Variants in PLPPR1 observed in about 807,000 individuals in gnomAD.
PLPPR1 encodes phospholipid phosphatase related 1.
Under a neutral mutation model 33.1 loss-of-function variants are expected in PLPPR1, and 10 were observed. The observed-to-expected ratio is 0.30, with a 90% confidence interval of 0.19 to 0.51. The LOEUF is 0.51. PLPPR1 is among the 20% of genes least tolerant of loss of function. PLPPR1 has a pLI of 0.97. For synonymous variants in PLPPR1, 151 were observed against 151.0 expected (o/e 1.00, Z 0.00); for missense variants, 304 against 408.1 (o/e 0.74, Z 2.20).
chr9:101,275,465 G>A (rs1022663694), intron 3 of PLPPR1, among the ~76,000 whole-genome samples: 2 of 152,348 alleles, frequency 1.3e-5, no homozygotes. Context: ...CAAGGCCACT[G>A]CTGTCCCAGA....
At chr9:101,253,841 GTATTTAT>G in intron 2 of PLPPR1, among the ~76,000 whole-genome samples, 1 of 152,164 alleles carries the variant, frequency 6.6e-6, no homozygotes, top group Non-Finnish European at 1.5e-5. Flanking sequence ...TGACTCTAAT[GTATTTAT>G]TATATGCCCT....
intron 2 of PLPPR1, among the ~76,000 whole-genome samples, chr9:101,206,022 G>A (rs946869870): frequency 6.6e-6 from 1 of 152,170 alleles, no homozygotes; most frequent in Admixed American, 6.5e-5. Flanking sequence ...AGGGTGGGGA[G>A]AGTGTGCCCA....
intron 1 of PLPPR1, among the ~76,000 whole-genome samples, chr9:101,057,598 C>G (rs1017996125): frequency 6.6e-6 from 1 of 152,098 alleles, no homozygotes; most frequent in Admixed American, 6.5e-5. Flanking sequence ...GAGCCAGGAA[C>G]TATGCTTAGT....
At chr9:101,251,922 C>T (rs541397530) in intron 2 of PLPPR1, among the ~76,000 whole-genome samples, 187 of 151,942 alleles carry the variant, frequency 1.2e-3, no homozygotes, top group African/African-American at 3.7e-3. Flanking sequence ...TGTTTATATG[C>T]CTGAGGAGGA....
rs56760066 is a variant in PLPPR1 at position 101,100,697 on chromosome 9, CGTGTGTGT to C, written c.-46+71624_-46+71631del. On this transcript the variant is annotated intron_variant, in intron 1 of 7. Coordinates refer to ENST00000374874, the MANE Select transcript of PLPPR1 (RefSeq NM_207299.2). ...ATCAGAAACTATTTACTCTTTGTTC[CGTGTGTGT>C]GTGTGTGTGTGTGTGTGTGTGTGTG... Among the ~76,000 whole-genome samples, 82 of 146,912 alleles carry C rather than the reference CGTGTGTGT, an allele frequency of 5.6e-4. No homozygotes were observed. The Middle Eastern group carries it at 0.014, about 25-fold the overall frequency.
chr9:101,272,681 A>G (rs150514235), intron 3 of PLPPR1, among the ~76,000 whole-genome samples: 12 of 152,342 alleles, frequency 7.9e-5, no homozygotes, highest in South Asian at 4.1e-4. Context: ...CTGTGTGCAT[A>G]TAAGTATTTC....
intron 5 of PLPPR1, 46 bp from the exon 6 acceptor site, chr9:101,312,752 C>T (rs1487436069): frequency 1.3e-6 from 2 of 1,551,754 alleles, no homozygotes; most frequent in Non-Finnish European, 8.8e-7. Context: ...GTACTCATAG[C>T]ACAAGGCAGC....
intron 1 of PLPPR1, among the ~76,000 whole-genome samples, chr9:101,126,093 T>C (rs144495469): frequency 7.2e-5 from 11 of 152,198 alleles, no homozygotes; most frequent in Non-Finnish European, 1.5e-4. Flanking sequence ...GCAGGTCTAC[T>C]GTACAAATAG....
intron 2 of PLPPR1, among the ~76,000 whole-genome samples, chr9:101,244,524 C>T (rs1006891306): frequency 2.0e-5 from 3 of 151,512 alleles, no homozygotes; most frequent in East Asian, 3.9e-4. Context: ...ATCTGAGCAA[C>T]AAATTCTTTT....
intron 3 of PLPPR1, among the ~76,000 whole-genome samples, chr9:101,280,672 A>T (rs1828281971): frequency 6.6e-6 from 1 of 152,160 alleles, no homozygotes; most frequent in African/African-American, 2.4e-5. Flanking sequence ...GAAGAAAAAA[A>T]TTATCATTTC....
At chr9:101,233,916 A>G (rs531106791) in intron 2 of PLPPR1, among the ~76,000 whole-genome samples, 1 of 152,086 alleles carries the variant, frequency 6.6e-6, no homozygotes, top group South Asian at 2.1e-4. Context: ...GGGCTTTGCC[A>G]CCATGTAATT....
Position 101,269,978 on chromosome 9 carries a change from C to T in PLPPR1, c.162C>T (p.Asp54=), listed in dbSNP as rs1828064616. The change falls in exon 3 of 8, where the codon GAC becomes GAT. Residue 54 remains aspartate (D), a synonymous_variant. Transcript: ENST00000374874. ...HIQGFFCQDG[D]LMKPYPGTEE... ...AAGGATTCTTCTGTCAGGACGGAGACTTAATGAAGCCTTACCCAGGGACAG... is the reference window on the plus strand; with the variant it reads ...AAGGATTCTTCTGTCAGGACGGAGATTTAATGAAGCCTTACCCAGGGACAG... 1.2e-6 allele frequency: 2 copies of T among 1,614,060 alleles called. No individual in the cohort carries two copies. The highest frequency in any genetic ancestry group is 2.2e-5 in the East Asian group (1 of 44,894).
intron 2 of PLPPR1, among the ~76,000 whole-genome samples, chr9:101,242,961 G>A (rs150618612): frequency 3.1e-4 from 47 of 152,112 alleles, no homozygotes; most frequent in African/African-American, 1.1e-3. Flanking sequence ...AATTTCTAAT[G>A]CTTCCTAGAA....
chr9:101,184,134 A>G (rs539576232), intron 1 of PLPPR1, among the ~76,000 whole-genome samples: 12 of 151,938 alleles, frequency 7.9e-5, no homozygotes, highest in South Asian at 2.1e-4. Context: ...AGAAAATAAC[A>G]TCCTAAAATA....
intron 1 of PLPPR1, among the ~76,000 whole-genome samples, chr9:101,165,515 T>A (rs1054993894): frequency 1.3e-5 from 2 of 152,174 alleles, no homozygotes; most frequent in African/African-American, 4.8e-5. Flanking sequence ...GGGGAATAAA[T>A]TTACAATAGG....
intron 7 of PLPPR1, among the ~76,000 whole-genome samples, chr9:101,318,838 G>A (rs527500649): frequency 1.2e-4 from 18 of 152,202 alleles, no homozygotes; most frequent in African/African-American, 4.1e-4. Flanking sequence ...TTACCTGCCC[G>A]AGGTTGTATA....
intron 2 of PLPPR1, among the ~76,000 whole-genome samples, chr9:101,236,536 T>TCACACACACACACACACA (rs60508436): frequency 4.8e-4 from 72 of 148,698 alleles, no homozygotes; most frequent in South Asian, 1.9e-3. Flanking sequence ...CTCTCTAAAC[T>TCACACACACACACACACA]CACACACACA....
intron 1 of PLPPR1, among the ~76,000 whole-genome samples, chr9:101,094,319 T>G (rs1054549864): frequency 6.6e-6 from 1 of 152,182 alleles, no homozygotes; most frequent in East Asian, 1.9e-4. Flanking sequence ...TTCATTTCCC[T>G]GATTGTATTA....
chr9:101,251,388 T>C (rs928383915), intron 2 of PLPPR1, among the ~76,000 whole-genome samples: 2 of 152,102 alleles, frequency 1.3e-5, no homozygotes, highest in Non-Finnish European at 2.9e-5. Flanking sequence ...GGAAATGCAA[T>C]AGCACAGCAG....
Sources: allele counts gnomAD v4.1 joint callset (sites outside exome capture counted in the v4.1 genomes callset), GRCh38; gene constraint gnomAD v4.1.1; transcripts MANE v1.5; gene names NCBI Gene and HGNC (gene_info 2026-07-23, HGNC 2026-07-21).